Variants in PCDHA4 observed in about 807,000 individuals in gnomAD.
PCDHA4 encodes protocadherin alpha-4.
A neutral mutation model predicts 61.4 loss-of-function variants in PCDHA4; 49 were observed. The ratio of observed to expected loss-of-function variants is 0.80; its 90% confidence interval spans 0.63 to 1.01. The LOEUF is 1.01. Among genes scored for constraint, PCDHA4 ranks in the 50% least tolerant of loss-of-function variants. The probability of loss-of-function intolerance (pLI) is 0.00; values close to 1 mark genes in which losing one functional copy is unlikely to be tolerated. For missense variants in PCDHA4, 1,254 were observed against 1,235.8 expected (o/e 1.01, Z -0.22); for synonymous variants, 590 against 550.3 (o/e 1.07, Z -1.01).
intron 1 of PCDHA4, among the ~76,000 whole-genome samples, chr5:140,873,786 G>A (rs1354744282): frequency 3.3e-5 from 5 of 152,056 alleles, no homozygotes; most frequent in Non-Finnish European, 7.4e-5. Flanking sequence ...TCAGCTTTCC[G>A]AGAAGCTGGG....
At chr5:141,008,863 C>A (rs902385521) in intron 3 of PCDHA4, among the ~76,000 whole-genome samples, 2 of 152,204 alleles carry the variant, frequency 1.3e-5, no homozygotes, top group African/African-American at 2.4e-5. Flanking sequence ...CTCTTCCATG[C>A]TGCATCCCAC....
chr5:140,809,370 C>G lies in PCDHA4; in HGVS notation c.2183C>G (p.Thr728Ser). 1 of 1,614,004 alleles carries G rather than the reference C, an allele frequency of 6.2e-7. No individual in the cohort carries two copies. Among genetic ancestry groups the G allele is most frequent in the Non-Finnish European group, 8.5e-7 (1 of 1,179,920 alleles). Residue 728 changes from threonine to serine, a missense_variant, in exon 1 of 4, where the codon ACC (threonine) becomes AGC (serine). Thr to Ser is a moderately conservative substitution (Grantham distance 58). Coordinates refer to ENST00000530339, the MANE Select transcript of PCDHA4 (RefSeq NM_018907.4). ...YTALRCSALP[T>S]EGACAPGKPT... is the part of the protein sequence containing the mutation. Reference sequence around the variant, plus strand: ...GCGCTGCGGTGCTCTGCGCTGCCCACCGAGGGCGCGTGCGCTCCGGGCAAG... The same window carrying G: ...GCGCTGCGGTGCTCTGCGCTGCCCAGCGAGGGCGCGTGCGCTCCGGGCAAG...
At chr5:141,009,179 G>C (rs1343163889) in intron 3 of PCDHA4, among the ~76,000 whole-genome samples, 2 of 152,212 alleles carry the variant, frequency 1.3e-5, no homozygotes, top group Non-Finnish European at 2.9e-5. Flanking sequence ...CCTTGGCTGG[G>C]TGTGGTAGCT....
intron 1 of PCDHA4, among the ~76,000 whole-genome samples, chr5:140,819,033 C>T (rs1371427690): frequency 3.9e-5 from 6 of 152,058 alleles, no homozygotes; most frequent in Non-Finnish European, 5.9e-5. Flanking sequence ...TAGCACATTC[C>T]CTTATAGGGC....
chr5:140,948,573 G>A (rs892818051), intron 1 of PCDHA4, among the ~76,000 whole-genome samples: 1 of 151,448 alleles, frequency 6.6e-6, no homozygotes, highest in Non-Finnish European at 1.5e-5. Flanking sequence ...ATTTTTTAAA[G>A]GATTTGTCAG....
chr5:140,926,349 G>A (rs1405832516), intron 1 of PCDHA4: 2 of 152,260 alleles, frequency 1.3e-5, no homozygotes, highest in Admixed American at 1.3e-4. Flanking sequence ...CCCGACGCGC[G>A]GCTCCCAAAG....
At position 140,887,760 on chromosome 5, in the gene PCDHA4, A is replaced by AT. The variant is rs1233050056; in HGVS notation, c.2385+78189dup. On this transcript the variant is annotated intron_variant, in intron 1 of 3. Coordinates refer to ENST00000530339, the MANE Select transcript of PCDHA4 (RefSeq NM_018907.4). Reference sequence around the variant, plus strand: ...CCTTTCTGAGACTCCAGTAACACATATGTTACAATGACACAGGTCATTGAA... The same window carrying AT: ...CCTTTCTGAGACTCCAGTAACACATATTGTTACAATGACACAGGTCATTGAA... Among the ~76,000 whole-genome samples, 21 of 152,264 alleles carry AT rather than the reference A, an allele frequency of 1.4e-4. No individual in the cohort carries two copies. In the East Asian group the frequency reaches 4.1e-3, roughly 29 times the overall value.
intron 1 of PCDHA4, chr5:140,877,047 C>A (rs372059660): frequency 3.3e-5 from 53 of 1,612,564 alleles, no homozygotes; most frequent in Non-Finnish European, 4.3e-5. Flanking sequence ...CGCTAGACCA[C>A]GAGGAGCTGG....
intron 3 of PCDHA4, among the ~76,000 whole-genome samples, chr5:141,003,410 C>T (rs1282162216): frequency 1.3e-5 from 2 of 152,110 alleles, no homozygotes; most frequent in Non-Finnish European, 2.9e-5. Flanking sequence ...CTCCCGGGTT[C>T]GAGTGATTCT....
chr5:141,003,017 G>T (rs1398844749), intron 3 of PCDHA4, among the ~76,000 whole-genome samples: 1 of 152,240 alleles, frequency 6.6e-6, no homozygotes, highest in Non-Finnish European at 1.5e-5. Flanking sequence ...GGGAAAGTCA[G>T]TGTAAATCAG....
rs2150334258 is a variant in PCDHA4 at position 140,842,331 on chromosome 5, T to A, written c.2385+32759T>A. 3.4e-5 allele frequency: 55 copies of A among 1,607,694 alleles called. No individual in the cohort carries two copies. The East Asian group carries it at 1.2e-3, about 35-fold the overall frequency. On this transcript the variant is annotated intron_variant, in intron 1 of 3. Coordinates refer to ENST00000530339, the MANE Select transcript of PCDHA4 (RefSeq NM_018907.4). ...CCCATGGCGGGTCATTGCACCGTTT[T>A]AGTGAGAATTTTGGATAAAAATGAT...
chr5:140,967,119 T>C lies in PCDHA4; in HGVS notation c.2386-11830T>C, dbSNP rs374670692. 97 of 1,612,790 alleles carry C rather than the reference T, an allele frequency of 6.0e-5. No homozygotes were observed. The highest frequency in any genetic ancestry group is 8.1e-5 in the Non-Finnish European group (95 of 1,179,410). The stretch of plus-strand genomic sequence containing the variant: ...CTGTGTGAGCAGCGGCCTCGCTGCC[T>C]GCTCAGCTTGGAAGTGCTGGCGCAC... On this transcript the variant is annotated intron_variant, in intron 1 of 3. Transcript: ENST00000530339.
At chr5:140,830,990 A>G (rs1771317150) in intron 1 of PCDHA4, 1 of 152,262 alleles carries the variant, frequency 6.6e-6, no homozygotes, top group Non-Finnish European at 1.5e-5. Context: ...TCTGATCATC[A>G]TAGTTTTTAT....
chr5:140,879,010 G>T (rs2057809352), intron 1 of PCDHA4, among the ~76,000 whole-genome samples: 1 of 152,200 alleles, frequency 6.6e-6, no homozygotes, highest in African/African-American at 2.4e-5. Context: ...CTAGAAATCA[G>T]ATAATGTTTT....
Position 140,947,404 on chromosome 5 carries a change from T to C in PCDHA4, c.2386-31545T>C, listed in dbSNP as rs1305199507. On this transcript the variant is annotated intron_variant, in intron 1 of 3. Transcript: ENST00000530339. ...ATCCTTTCACTAAAAGTAGACTGTC[T>C]TGATATTGTAGCTTTATAAATTTGA... is the stretch of plus-strand genomic sequence containing the variant. Among the ~76,000 whole-genome samples the C allele has an allele frequency of 2.6e-5, 4 of 151,736 alleles. No individual in the cohort carries two copies. In the East Asian group the frequency reaches 5.8e-4, roughly 22 times the overall value.
chr5:140,868,940 A>G, intron 1 of PCDHA4: 1 of 1,249,402 alleles, frequency 8.0e-7, no homozygotes, highest in South Asian at 1.6e-5. Context: ...GGTTGGTCTG[A>G]ACAGTGAGGC....
intron 1 of PCDHA4, chr5:140,843,382 G>C: frequency 6.3e-7 from 1 of 1,596,126 alleles, no homozygotes; most frequent in Non-Finnish European, 8.6e-7. Flanking sequence ...CTGGCGTTTT[G>C]GGTCCGGAAG....
intron 1 of PCDHA4, chr5:140,853,308 C>G: frequency 3.1e-6 from 3 of 983,184 alleles, no homozygotes; most frequent in Non-Finnish European, 3.7e-6. Flanking sequence ...CTGTGAACAC[C>G]TTAGTAATAA....
At chr5:140,932,967 T>C (rs367764644) in intron 1 of PCDHA4, among the ~76,000 whole-genome samples, 2 of 152,036 alleles carry the variant, frequency 1.3e-5, no homozygotes, top group South Asian at 2.1e-4. Context: ...TGCTGAAAGG[T>C]TTTTACAATG....
Sources: allele counts gnomAD v4.1 joint callset (sites outside exome capture counted in the v4.1 genomes callset), GRCh38; gene constraint gnomAD v4.1.1; transcripts MANE v1.5; gene names NCBI Gene and HGNC (gene_info 2026-07-23, HGNC 2026-07-21).